Variants in NAV3 observed in about 807,000 individuals in gnomAD.
The protein encoded by NAV3 is pore membrane and/or filament interacting like protein 1.
A neutral mutation model predicts 244.7 loss-of-function variants in NAV3; 87 were observed. The observed-to-expected ratio is 0.36, with a 90% CI of 0.30 to 0.42. The LOEUF (loss-of-function observed/expected upper bound fraction) is 0.42, where lower values mean the gene tolerates loss of function less well. NAV3 is among the 20% of genes least tolerant of loss of function. NAV3 has a pLI of 1.00. For missense variants in NAV3, 2,663 were observed against 2,893.3 expected (o/e 0.92, Z 1.83); for synonymous variants, 1,126 against 1,042.2 (o/e 1.08, Z -1.55).
intron 3 of NAV3, among the ~76,000 whole-genome samples, chr12:77,954,792 T>G (rs1233597624): frequency 6.6e-6 from 1 of 152,190 alleles, no homozygotes; most frequent in Non-Finnish European, 1.5e-5. Flanking sequence ...AAAATAGGAT[T>G]TTTTAAAAAA....
intron 1 of NAV3, among the ~76,000 whole-genome samples, chr12:77,896,169 G>A (rs1434077252): frequency 1.3e-5 from 2 of 151,954 alleles, no homozygotes; most frequent in Non-Finnish European, 2.9e-5. Context: ...TGGTTTAATT[G>A]TCAGGCCACA....
chr12:77,658,370 A>G (rs1317559074), intron 2 of NAV3, among the ~76,000 whole-genome samples: 11 of 150,934 alleles, frequency 7.3e-5, no homozygotes, highest in African/African-American at 2.7e-4. Flanking sequence ...TGCTTCAAAG[A>G]GAATAAAATA....
At chr12:78,185,127 G>A (rs1245244640) in intron 30 of NAV3, among the ~76,000 whole-genome samples, 1 of 151,802 alleles carries the variant, frequency 6.6e-6, no homozygotes, top group Non-Finnish European at 1.5e-5. Flanking sequence ...AAGGTGAGTA[G>A]TTATATAGCT....
At position 77,644,187 on chromosome 12, in the gene NAV3, C is replaced by A. The variant is rs190124040; in HGVS notation, c.72+71921C>A. The stretch of plus-strand genomic sequence containing the variant: ...CACAATTCTTGGGGCTCCATGAGGT[C>A]GAACAGAGGTCCCCCCAAAAAAGAG... On this transcript the variant is annotated intron_variant, in intron 2 of 8. Coordinates refer to the NAV3 transcript ENST00000550042. 1.5e-3 allele frequency among the ~76,000 whole-genome samples: 234 copies of A among 152,094 alleles called. 1 individual carries two copies. Among genetic ancestry groups the A allele is most frequent in the African/African-American group, 5.4e-3 (224 of 41,498 alleles).
At chr12:78,093,609 G>GT (rs1463537568) in intron 12 of NAV3, among the ~76,000 whole-genome samples, 2 of 151,832 alleles carry the variant, frequency 1.3e-5, no homozygotes, top group Non-Finnish European at 2.9e-5. Context: ...TAAACCCTCT[G>GT]TTTTAGTTTG....
chr12:77,798,439 A>C (rs543862371), intron 2 of NAV3, among the ~76,000 whole-genome samples: 99 of 152,254 alleles, frequency 6.5e-4, no homozygotes, highest in African/African-American at 2.4e-3. Flanking sequence ...AAAATATAAA[A>C]TATAAAGTTG....
rs1261193437 is a variant in NAV3 at position 78,006,430 on chromosome 12, G to A, written c.892G>A (p.Gly298Arg). 1.4e-5 allele frequency: 23 copies of A among 1,612,602 alleles called. No individual in the cohort carries two copies. The highest frequency in any genetic ancestry group is 2.2e-5 in the East Asian group (1 of 44,840). ...TAAACAATGTCCAGATTCCTCCAAA[G>A]GACCTCAATCGTCTTCAGGTGTAAA... ...ANGNEKDSSK[G>R]PQSSSGVNGN... The change falls in exon 8 of 40, where the codon GGA becomes AGA. Residue 298 changes from glycine to arginine, a missense_variant. Gly to Arg is a moderately radical substitution (Grantham distance 125). This residue lies in a region of NAV3 where 1,521 missense variants were observed against 1,497.0 expected (regional missense o/e 1.02). Coordinates refer to ENST00000397909, the MANE Select transcript of NAV3 (RefSeq NM_001024383.2).
intron 1 of NAV3, among the ~76,000 whole-genome samples, chr12:77,847,702 T>C (rs1437632485): frequency 6.6e-6 from 1 of 152,210 alleles, no homozygotes; most frequent in Non-Finnish European, 1.5e-5. Context: ...CTTGATCAAA[T>C]GGTAGTTAAA....
chr12:77,619,257 G>A (rs577238965), intron 2 of NAV3, among the ~76,000 whole-genome samples: 15 of 151,994 alleles, frequency 9.9e-5, no homozygotes, highest in African/African-American at 1.5e-4. Context: ...TAATGCTATC[G>A]GAAGCCATGA....
chr12:77,653,523 A>G (rs1370460766), intron 2 of NAV3, among the ~76,000 whole-genome samples: 2 of 152,266 alleles, frequency 1.3e-5, no homozygotes, highest in Non-Finnish European at 2.9e-5. Context: ...AATTTAAATT[A>G]ACTGAGAATT....
At chr12:77,715,610 AG>A (rs1231409642) in intron 2 of NAV3, among the ~76,000 whole-genome samples, 2 of 152,052 alleles carry the variant, frequency 1.3e-5, no homozygotes, top group African/African-American at 4.8e-5. Context: ...ATAATTACTG[AG>A]GACACTGTTT....
upstream of NAV3, among the ~76,000 whole-genome samples, chr12:77,827,395 G>T (rs1873125208): frequency 6.6e-6 from 1 of 151,864 alleles, no homozygotes; most frequent in East Asian, 1.9e-4. Flanking sequence ...ATCGTGGTTT[G>T]CAAGTTGCCA....
At chr12:77,762,723 T>TTTGTTGTTGTTG (rs5799344) in intron 2 of NAV3, among the ~76,000 whole-genome samples, 14 of 150,834 alleles carry the variant, frequency 9.3e-5, no homozygotes, top group African/African-American at 3.4e-4. Context: ...TCATGGGTTT[T>TTTGTTGTTGTTG]TTGTTGTTGT....
rs77426435 is a variant in NAV3, at chr12:77,723,596, C to A, written c.72+151330C>A. Among the ~76,000 whole-genome samples the A allele has an allele frequency of 5.3e-5, 8 of 151,928 alleles. No individual in the cohort carries two copies. In the East Asian group the frequency reaches 1.6e-3, roughly 30 times the overall value. On this transcript the variant is annotated intron_variant, in intron 2 of 8. Coordinates refer to the NAV3 transcript ENST00000550042. ...AGGCTTGAATCTTCTGGTTCACACA[C>A]CTTCTCCCTGCCAGAAATCTGGGTG...
At chr12:77,598,014 T>C (rs1262000070) in intron 2 of NAV3, among the ~76,000 whole-genome samples, 1 of 151,942 alleles carries the variant, frequency 6.6e-6, no homozygotes, top group Non-Finnish European at 1.5e-5. Context: ...AAAAAATACA[T>C]CCCTAGTAAT....
At chr12:77,899,986 A>G (rs1000534342) in intron 1 of NAV3, among the ~76,000 whole-genome samples, 2 of 151,980 alleles carry the variant, frequency 1.3e-5, no homozygotes, top group Admixed American at 1.3e-4. Context: ...TCCCCCAGAC[A>G]GTGAGAATAG....
chr12:77,864,371 A>G (rs149323837), intron 1 of NAV3, among the ~76,000 whole-genome samples: 1 of 152,032 alleles, frequency 6.6e-6, no homozygotes, highest in Non-Finnish European at 1.5e-5. Context: ...TTTCATGTCA[A>G]ATAATTCTGA....
intron 2 of NAV3, among the ~76,000 whole-genome samples, chr12:77,774,105 T>G (rs916365002): frequency 2.0e-5 from 3 of 152,218 alleles, no homozygotes; most frequent in Admixed American, 1.3e-4. Context: ...AATGGTTTCC[T>G]TTGAGGATTA....
chr12:77,737,938 T>C (rs1407767065), intron 2 of NAV3, among the ~76,000 whole-genome samples: 1 of 152,214 alleles, frequency 6.6e-6, no homozygotes, highest in Non-Finnish European at 1.5e-5. Flanking sequence ...TTTTCAATCA[T>C]GCAGCATTTA....
Sources: allele counts gnomAD v4.1 joint callset (sites outside exome capture counted in the v4.1 genomes callset), GRCh38; gene constraint gnomAD v4.1.1; regional missense constraint gnomAD v4.1.1; transcripts MANE v1.5; gene names NCBI Gene and HGNC (gene_info 2026-07-23, HGNC 2026-07-21).